The following IL1RAPL1 variants were observed in gnomAD, a reference collection of about 807,000 sequenced individuals.
The protein encoded by IL1RAPL1 is interleukin 1 receptor accessory protein like 1.
A neutral mutation model predicts 48.4 loss-of-function variants in IL1RAPL1; 3 were observed. The observed-to-expected ratio is 0.06, with a 90% CI of 0.03 to 0.16. IL1RAPL1 has a LOEUF of 0.16. IL1RAPL1 is among the 10% of genes least tolerant of loss of function. The pLI is 1.00. For missense variants in IL1RAPL1, 349 were observed against 530.6 expected (o/e 0.66, Z 3.36); for synonymous variants, 185 against 187.7 (o/e 0.99, Z 0.12).
chrX:28,749,988 T>C lies in IL1RAPL1; in HGVS notation c.-24-39332T>C, dbSNP rs143230979. Among the ~76,000 whole-genome samples, 410 of 109,106 alleles carry C rather than the reference T, an allele frequency of 3.8e-3. 5 individuals are homozygous for C. Among genetic ancestry groups the C allele is most frequent in the African/African-American group, 0.013 (392 of 29,949 alleles). The allele number at this position is 109,106 out of a possible 115,157, so 94.7% of individuals were successfully genotyped here. ...TTTTTTTTGAGATGGAGTCTTACTCTGTTACCCAGGCTGGAGTGCAGTGAC... is the reference window on the plus strand; with the variant it reads ...TTTTTTTTGAGATGGAGTCTTACTCCGTTACCCAGGCTGGAGTGCAGTGAC... On this transcript the variant is annotated intron_variant, in intron 1 of 10. Coordinates refer to ENST00000378993, the MANE Select transcript of IL1RAPL1 (RefSeq NM_014271.4).
At chrX:28,793,544 A>G (rs185418614) in intron 2 of IL1RAPL1, among the ~76,000 whole-genome samples, 5 of 111,995 alleles carry the variant, frequency 4.5e-5, no homozygotes, top group Non-Finnish European at 9.4e-5. Context: ...GAAATATTCT[A>G]TCTTTACAAG....
At chrX:29,803,005 A>G (rs755415387) in intron 6 of IL1RAPL1, among the ~76,000 whole-genome samples, 7 of 69,087 alleles carry the variant, frequency 1.0e-4, no homozygotes, top group Non-Finnish European at 1.6e-4. Flanking sequence ...ATGTATGCAT[A>G]TATACATATG....
At chrX:29,479,414 CAA>C (rs3069570) in intron 5 of IL1RAPL1, among the ~76,000 whole-genome samples, 5 of 42,475 alleles carry the variant, frequency 1.2e-4, no homozygotes, top group Non-Finnish European at 8.5e-5. Context: ...GACCCTGTCT[CAA>C]AAAAAAAAAA....
intron 5 of IL1RAPL1, among the ~76,000 whole-genome samples, chrX:29,607,859 C>T (rs1923945513): frequency 8.9e-6 from 1 of 111,888 alleles, no homozygotes; most frequent in Non-Finnish European, 1.9e-5. Flanking sequence ...GAGTGGATAG[C>T]GTCAAAATTT....
chrX:28,655,841 T>G (rs2146906196), intron 1 of IL1RAPL1, among the ~76,000 whole-genome samples: 1 of 111,815 alleles, frequency 8.9e-6, no homozygotes, highest in East Asian at 2.8e-4. Context: ...ATTTTAAAAT[T>G]ACGTGAATTT....
chrX:29,609,940 T>G lies in IL1RAPL1; in HGVS notation c.704-58490T>G, dbSNP rs777361029. ...AGGATGAATTAAATCTTACCATTTT[T>G]TTTTATTTTTCTGATACATTTTGTT... On this transcript the variant is annotated intron_variant, in intron 5 of 10. Transcript: ENST00000378993. Among the ~76,000 whole-genome samples the G allele has an allele frequency of 2.7e-5, 3 of 111,548 alleles. No homozygotes were observed. In the South Asian group the frequency reaches 1.1e-3, roughly 42 times the overall value.
At chrX:28,619,464 C>T (rs1053945596) in intron 1 of IL1RAPL1, among the ~76,000 whole-genome samples, 8 of 108,630 alleles carry the variant, frequency 7.4e-5, no homozygotes, top group African/African-American at 2.0e-4. Flanking sequence ...AAAAATTAGC[C>T]GGCATAGTGG....
At position 29,800,007 on chromosome X, in the gene IL1RAPL1, G is replaced by A. The variant is rs148377986; in HGVS notation, c.779-117457G>A. Among the ~76,000 whole-genome samples the A allele has an allele frequency of 3.6e-3, 405 of 111,630 alleles. 3 individuals carry two copies. The highest frequency in any genetic ancestry group is 4.9e-3 in the South Asian group (13 of 2,645). On this transcript the variant is annotated intron_variant, in intron 6 of 10. Transcript: ENST00000378993. ...CAAGGTCATAAATGTTTTGTAGGCC[G>A]TATCCTCTGTTCTATCTACTATCCC...
chrX:29,576,728 A>C (rs1471552986), intron 5 of IL1RAPL1, among the ~76,000 whole-genome samples: 1 of 109,783 alleles, frequency 9.1e-6, no homozygotes, highest in Non-Finnish European at 1.9e-5. Context: ...CAATATTTTC[A>C]CTCTCTTTAG....
chrX:28,637,353 A>C (rs1019584383), intron 1 of IL1RAPL1, among the ~76,000 whole-genome samples: 1 of 111,881 alleles, frequency 8.9e-6, no homozygotes, highest in Non-Finnish European at 1.9e-5. Flanking sequence ...TTCCCTGTCC[A>C]ACCAGATATA....
At chrX:29,033,002 G>A (rs1298669493) in intron 2 of IL1RAPL1, among the ~76,000 whole-genome samples, 1 of 112,280 alleles carries the variant, frequency 8.9e-6, no homozygotes. Flanking sequence ...GGTCGTATGA[G>A]AATAAAATGT....
At chrX:29,385,321 G>A (rs1933761387) in intron 3 of IL1RAPL1, among the ~76,000 whole-genome samples, 1 of 112,172 alleles carries the variant, frequency 8.9e-6, no homozygotes, top group Admixed American at 9.4e-5. Context: ...GGGCATGGTG[G>A]CACATGCCTG....
intron 6 of IL1RAPL1, among the ~76,000 whole-genome samples, chrX:29,803,199 A>G (rs200924138): frequency 0.014 from 385 of 27,792 alleles, 36 homozygotes; most frequent in African/African-American, 0.042. Flanking sequence ...ATGTATACAT[A>G]TACACACATG....
chrX:29,130,548 A>G (rs1928998428), intron 2 of IL1RAPL1, among the ~76,000 whole-genome samples: 1 of 112,555 alleles, frequency 8.9e-6, no homozygotes, highest in Non-Finnish European at 1.9e-5. Context: ...ACTCCAAACT[A>G]GTTTACTCTT....
At chrX:28,736,240 T>A in intron 1 of IL1RAPL1, among the ~76,000 whole-genome samples, 1 of 110,242 alleles carries the variant, frequency 9.1e-6, no homozygotes, top group South Asian at 4.0e-4. Flanking sequence ...GAGACCAGCC[T>A]GGCCAACATA....
chrX:29,656,197 T>C (rs1156691646), intron 5 of IL1RAPL1, among the ~76,000 whole-genome samples: 2 of 112,886 alleles, frequency 1.8e-5, no homozygotes, highest in African/African-American at 6.4e-5. Flanking sequence ...TGCCAATAAC[T>C]TCCATACTAA....
At chrX:29,484,991 A>G (rs770377610) in intron 5 of IL1RAPL1, among the ~76,000 whole-genome samples, 1 of 112,099 alleles carries the variant, frequency 8.9e-6, no homozygotes, top group African/African-American at 3.2e-5. Context: ...AAGGATTAAC[A>G]CAAACTGAAG....
At chrX:28,788,205 AGTG>A (rs1212093805) in intron 1 of IL1RAPL1, among the ~76,000 whole-genome samples, 1 of 111,976 alleles carries the variant, frequency 8.9e-6, no homozygotes, top group African/African-American at 3.2e-5. Context: ...CTAACTTTAT[AGTG>A]GTAATCATTT....
chrX:29,468,578 C>T (rs1934888295), intron 5 of IL1RAPL1, among the ~76,000 whole-genome samples: 2 of 112,167 alleles, frequency 1.8e-5, no homozygotes, highest in South Asian at 3.7e-4. Context: ...TGTCTTGGCT[C>T]ATCACGGTGA....
Sources: allele counts gnomAD v4.1 joint callset (sites outside exome capture counted in the v4.1 genomes callset), GRCh38; gene constraint gnomAD v4.1.1; transcripts MANE v1.5; gene names NCBI Gene and HGNC (gene_info 2026-07-23, HGNC 2026-07-21).